KLF8: variants seen among roughly 807,000 people sequenced by gnomAD.
The protein encoded by KLF8 is KLF transcription factor 8.
Under a neutral mutation model 18.2 loss-of-function variants are expected in KLF8, and 10 were observed. That is an observed-to-expected ratio of 0.55 (90% CI 0.34 to 0.93). The LOEUF is 0.93. Among genes scored for constraint, KLF8 ranks in the 40% least tolerant of loss-of-function variants. KLF8 has a pLI of 0.02. For synonymous variants in KLF8, 109 were observed against 97.3 expected, an observed-to-expected ratio of 1.12 and a Z score of -0.71; for missense variants, 264 against 277.9, an observed-to-expected ratio of 0.95 and a Z score of 0.36.
At chrX:56,268,874 T>C in intron 3 of KLF8, 1 of 909,221 alleles carries the variant, frequency 1.1e-6, no homozygotes, top group Admixed American at 4.6e-5. Flanking sequence ...TACTAGGTGG[T>C]AGGTATACGT....
the KLF8 span, among the ~76,000 whole-genome samples, chrX:55,999,655 G>A: frequency 4.5e-5 from 5 of 110,478 alleles, no homozygotes; most frequent in Non-Finnish European, 1.9e-5. Flanking sequence ...TTATCAGCTT[G>A]GCCATTATTG....
the KLF8 span, among the ~76,000 whole-genome samples, chrX:56,119,397 C>T: frequency 5.4e-5 from 6 of 110,645 alleles, no homozygotes; most frequent in South Asian, 2.3e-3. Context: ...ATCATCACAC[C>T]AGGTTCCGCT....
chrX:56,070,953 T>C, the KLF8 span, among the ~76,000 whole-genome samples: 1 of 112,077 alleles, frequency 8.9e-6, no homozygotes. Flanking sequence ...TTTACTCTAA[T>C]AGGAGACAGC....
At chrX:55,988,625 T>C in the KLF8 span, among the ~76,000 whole-genome samples, 1 of 111,720 alleles carries the variant, frequency 9.0e-6, no homozygotes, top group Non-Finnish European at 1.9e-5. Context: ...TAGTTTGAAG[T>C]CAGGTAGCAT....
At chrX:56,176,641 T>C in the KLF8 span, among the ~76,000 whole-genome samples, 1 of 111,317 alleles carries the variant, frequency 9.0e-6, no homozygotes, top group African/African-American at 3.3e-5. Flanking sequence ...TGAATTTGAA[T>C]GTTTGCCTGC....
the KLF8 span, among the ~76,000 whole-genome samples, chrX:55,994,980 G>T: frequency 1.1e-3 from 118 of 111,484 alleles, no homozygotes; most frequent in African/African-American, 3.7e-3. Flanking sequence ...TAGCTTTCTA[G>T]CTCAACAATC....
At chrX:56,102,740 TTTTA>T in the KLF8 span, among the ~76,000 whole-genome samples, 1 of 111,639 alleles carries the variant, frequency 9.0e-6, no homozygotes, top group South Asian at 3.7e-4. Flanking sequence ...TTGTATTCTT[TTTTA>T]TTTCTTATTT....
At chrX:55,928,712 A>G in the KLF8 span, among the ~76,000 whole-genome samples, 1 of 111,853 alleles carries the variant, frequency 8.9e-6, no homozygotes, top group African/African-American at 3.3e-5. Context: ...ATCCTTTTTC[A>G]TGGCCTCATA....
At chrX:56,252,339 C>T (rs2066726931) in intron 2 of KLF8, among the ~76,000 whole-genome samples, 1 of 111,444 alleles carries the variant, frequency 9.0e-6, no homozygotes, top group African/African-American at 3.3e-5. Flanking sequence ...TTTTCGTACA[C>T]ATTCACCATG....
the KLF8 span, among the ~76,000 whole-genome samples, chrX:56,073,041 C>G: frequency 9.5e-6 from 1 of 104,754 alleles, no homozygotes; most frequent in Non-Finnish European, 1.9e-5. Context: ...GGCTGGAGTG[C>G]AGTGGCGCGA....
chrX:55,950,587 T>C, the KLF8 span, among the ~76,000 whole-genome samples: 1 of 111,433 alleles, frequency 9.0e-6, no homozygotes, highest in African/African-American at 3.3e-5. Flanking sequence ...GAACGCTCTT[T>C]GCACAGTAAC....
chrX:56,093,302 G>A, the KLF8 span, among the ~76,000 whole-genome samples: 1 of 111,334 alleles, frequency 9.0e-6, no homozygotes, highest in East Asian at 2.8e-4. Flanking sequence ...AGAAACCAAT[G>A]AAGAGAAACA....
the KLF8 span, among the ~76,000 whole-genome samples, chrX:55,921,085 A>G: frequency 0.038 from 4,278 of 112,394 alleles, 224 homozygotes; most frequent in African/African-American, 0.13. Context: ...ATCAGAATGA[A>G]CAGACAACCT....
chrX:55,948,526 T>C, the KLF8 span, among the ~76,000 whole-genome samples: 3 of 112,156 alleles, frequency 2.7e-5, no homozygotes, highest in East Asian at 8.3e-4. Context: ...TTGTTACATA[T>C]CATACCATAT....
the KLF8 span, among the ~76,000 whole-genome samples, chrX:56,154,716 G>A: frequency 9.0e-6 from 1 of 111,617 alleles, no homozygotes; most frequent in Non-Finnish European, 1.9e-5. Flanking sequence ...CTGACAAAGG[G>A]CTAATATCCA....
chrX:56,086,454 C>T, the KLF8 span, among the ~76,000 whole-genome samples: 2 of 110,030 alleles, frequency 1.8e-5, no homozygotes, highest in Admixed American at 2.0e-4. Flanking sequence ...GCAGTCACTC[C>T]TGAGTTCAAA....
chrX:56,045,520 C>A, the KLF8 span, among the ~76,000 whole-genome samples: 1 of 111,614 alleles, frequency 9.0e-6, no homozygotes, highest in African/African-American at 3.3e-5. Context: ...TTGATTCTAC[C>A]CATCTGTGAA....
the KLF8 span, among the ~76,000 whole-genome samples, chrX:56,097,469 A>G: frequency 1.9e-5 from 2 of 107,292 alleles, no homozygotes; most frequent in Admixed American, 2.0e-4. Context: ...AGCTGGGATT[A>G]CATGTGTGTG....
At chrX:56,169,235 T>C in the KLF8 span, among the ~76,000 whole-genome samples, 1 of 111,518 alleles carries the variant, frequency 9.0e-6, no homozygotes, top group African/African-American at 3.3e-5. Context: ...GACTCAGATT[T>C]ACCGGTTTCA....
Sources: allele counts gnomAD v4.1 joint callset (sites outside exome capture counted in the v4.1 genomes callset), GRCh38; gene constraint gnomAD v4.1.1; transcripts MANE v1.5; gene names NCBI Gene and HGNC (gene_info 2026-07-23, HGNC 2026-07-21).